The following USP10 variants were observed in gnomAD, a reference collection of about 807,000 sequenced individuals.
USP10 encodes the protein ubiquitin specific peptidase 10, also known as ubiquitin carboxyl-terminal hydrolase 10.
A neutral mutation model predicts 84.5 loss-of-function variants in USP10; 22 were observed. The observed-to-expected ratio is 0.26, with a 90% CI of 0.19 to 0.37. The LOEUF (loss-of-function observed/expected upper bound fraction) is 0.37. Ranked by LOEUF, USP10 falls within the 10% of genes least tolerant of loss-of-function variation. USP10 has a pLI of 1.00. For missense variants in USP10, 1,019 were observed against 998.9 expected (o/e 1.02, Z -0.27); for synonymous variants, 454 against 387.6 (o/e 1.17, Z -2.01).
chr16:84,701,562 G>C (rs138528370), intron 1 of USP10, among the ~76,000 whole-genome samples: 123 of 152,270 alleles, frequency 8.1e-4, no homozygotes, highest in African/African-American at 2.9e-3. Context: ...CAAGTAAAAG[G>C]CTCATTATGA....
chr16:84,745,172 G>C lies in USP10; in HGVS notation c.691G>C (p.Ala231Pro). ...DIVPDSPFPG[A>P]LGSDTRTAGQ... The stretch of plus-strand genomic sequence containing the variant: ...TGTGCCTGACAGTCCTTTCCCCGGA[G>C]CACTCGGCAGTGACACCAGGACTGC... The change falls in exon 4 of 14, where the codon GCA becomes CCA. Residue 231 changes from alanine to proline, a missense_variant. Ala to Pro is a conservative substitution (Grantham distance 27). Coordinates refer to ENST00000219473, the MANE Select transcript of USP10 (RefSeq NM_005153.3). The C allele has an allele frequency of 6.2e-7, 1 of 1,613,334 alleles. No individual in the cohort carries two copies. The highest frequency in any genetic ancestry group is 8.5e-7 in the Non-Finnish European group (1 of 1,179,640).
At chr16:84,753,703 G>A (rs1567632667) in intron 4 of USP10, among the ~76,000 whole-genome samples, 1 of 152,198 alleles carries the variant, frequency 6.6e-6, no homozygotes, top group Non-Finnish European at 1.5e-5. Context: ...GGAGCTAAAT[G>A]ACCTTTAAAG....
chr16:84,768,367 A>G lies in USP10; in HGVS notation c.1998+9A>G, dbSNP rs760213485. 1 of 1,571,508 alleles carries G rather than the reference A, an allele frequency of 6.4e-7. No individual in the cohort carries two copies. Among genetic ancestry groups the G allele is most frequent in the Admixed American group, 1.8e-5 (1 of 55,622 alleles). ...CAAAAACCAAACAAGAGGTATGTTC[A>G]CACTTGATTTTGAACCTTTCTACTA... On this transcript the variant is annotated intron_variant, in intron 11 of 13. Transcript: ENST00000219473.
At chr16:84,755,118 C>T (rs775493185) in intron 4 of USP10, among the ~76,000 whole-genome samples, 9 of 151,146 alleles carry the variant, frequency 6.0e-5, no homozygotes, top group East Asian at 3.9e-4. Flanking sequence ...TCTGTTCGAA[C>T]GGGTCAACAA....
chr16:84,714,525 T>C (rs1288220699), intron 1 of USP10, among the ~76,000 whole-genome samples: 1 of 152,118 alleles, frequency 6.6e-6, no homozygotes, highest in Non-Finnish European at 1.5e-5. Context: ...ATTAAATATT[T>C]TCCTTTGCGA....
At chr16:84,707,656 T>A (rs1905710634) in intron 1 of USP10, among the ~76,000 whole-genome samples, 1 of 152,246 alleles carries the variant, frequency 6.6e-6, no homozygotes, top group Non-Finnish European at 1.5e-5. Context: ...TTTACCTAAT[T>A]TTGCCAGGGA....
chr16:84,745,401 C>G lies in USP10; in HGVS notation c.920C>G (p.Thr307Arg), dbSNP rs760179345. Reference sequence around the variant, plus strand: ...ACCAACGGGGTGGAGTTGCACACCACGGAAAGCATAGACTTGGACCCAACC... The same window carrying G: ...ACCAACGGGGTGGAGTTGCACACCAGGGAAAGCATAGACTTGGACCCAACC... ...TATNGVELHTTESIDLDPTKP... is the reference protein window; with the variant it reads ...TATNGVELHTRESIDLDPTKP... The change falls in exon 4 of 14, where the codon ACG becomes AGG. Residue 307 changes from threonine (T) to arginine (R), a missense_variant. Transcript: ENST00000219473. The G allele has an allele frequency of 6.2e-7, 1 of 1,613,600 alleles. No individual in the cohort carries two copies. The highest frequency in any genetic ancestry group is 1.3e-5 in the African/African-American group (1 of 75,030).
At chr16:84,767,776 A>T (rs7203766) in intron 10 of USP10, among the ~76,000 whole-genome samples, 78,303 of 149,638 alleles carry the variant, frequency 0.52, 20,940 homozygotes, top group Non-Finnish European at 0.61. Flanking sequence ...AATTATTATT[A>T]TTTTTTTTAA....
chr16:84,716,136 T>C (rs1402237256), intron 1 of USP10: 1 of 152,272 alleles, frequency 6.6e-6, no homozygotes, highest in Non-Finnish European at 1.5e-5. Context: ...GAAGGGGAGC[T>C]GGCCAGTTCG....
intron 1 of USP10, among the ~76,000 whole-genome samples, chr16:84,703,620 A>G (rs1404978366): frequency 6.6e-6 from 1 of 152,264 alleles, no homozygotes; most frequent in African/African-American, 2.4e-5. Flanking sequence ...ATTGTTTGAA[A>G]TGTTGACAGG....
chr16:84,750,404 C>CA (rs71151245), intron 4 of USP10, among the ~76,000 whole-genome samples: 1,198 of 106,122 alleles, frequency 0.011, 11 homozygotes, highest in African/African-American at 0.023. Context: ...GAGACTGTCT[C>CA]AAAAAAAAAA....
At position 84,768,939 on chromosome 16, in the gene USP10, A is replaced by G. The variant is rs531205690; in HGVS notation, c.1998+581A>G. ...TTATAGCTTGGTGGAGTCCTTGTCA[A>G]CTCAGTTGGGCGAGACGGATAGCAT... On this transcript the variant is annotated intron_variant, in intron 11 of 13. Transcript: ENST00000219473. Among the ~76,000 whole-genome samples the G allele has an allele frequency of 2.6e-5, 4 of 152,264 alleles. No homozygotes were observed. In the South Asian group the frequency reaches 6.2e-4, roughly 24 times the overall value.
intron 1 of USP10, among the ~76,000 whole-genome samples, chr16:84,701,968 G>A (rs1269146751): frequency 2.3e-5 from 3 of 130,034 alleles, no homozygotes; most frequent in South Asian, 4.9e-4. Context: ...TTGGAATTTG[G>A]CTCTTGTTGC....
At chr16:84,721,860 G>C (rs1021519380) in intron 1 of USP10, among the ~76,000 whole-genome samples, 1 of 152,226 alleles carries the variant, frequency 6.6e-6, no homozygotes. Flanking sequence ...GCCACACCTG[G>C]CTAATTTTTT....
intron 2 of USP10, among the ~76,000 whole-genome samples, chr16:84,737,654 C>T (rs1183924159): frequency 6.6e-6 from 1 of 152,196 alleles, no homozygotes. Context: ...TGCTGGTGGT[C>T]GTCTCACCAG....
intron 10 of USP10, among the ~76,000 whole-genome samples, chr16:84,766,336 T>G (rs996652244): frequency 6.6e-6 from 1 of 152,138 alleles, no homozygotes. Flanking sequence ...CTCTGTGGAG[T>G]GTCCACGGCA....
rs1169892657 is a variant in USP10 at position 84,745,134 on chromosome 16, CTG to C, written c.655_656del (p.Val219GlnfsTer2). 6.2e-7 allele frequency: 1 copy of C among 1,613,574 alleles called. No homozygotes were observed. Among genetic ancestry groups the C allele is most frequent in the Non-Finnish European group, 8.5e-7 (1 of 1,179,696 alleles). ...AACAGCCCCCAGAACTCCACAGACT[CTG>C]TCAGTGACATTGTGCCTGACAGTCC... On this transcript the variant is annotated frameshift_variant, in exon 4 of 14. Transcript: ENST00000219473. LOFTEE classifies it high-confidence loss of function.
At chr16:84,730,123 T>G (rs756465382) in intron 1 of USP10, among the ~76,000 whole-genome samples, 4 of 152,210 alleles carry the variant, frequency 2.6e-5, no homozygotes, top group Non-Finnish European at 5.9e-5. Flanking sequence ...CACTCCTGTC[T>G]GCGTCCACTC....
intron 4 of USP10, among the ~76,000 whole-genome samples, chr16:84,746,912 T>C (rs1195416035): frequency 1.3e-5 from 2 of 152,254 alleles, no homozygotes; most frequent in Non-Finnish European, 2.9e-5. Context: ...AATATTTTCT[T>C]CCTTTTTATT....
Sources: allele counts gnomAD v4.1 joint callset (sites outside exome capture counted in the v4.1 genomes callset), GRCh38; gene constraint gnomAD v4.1.1; transcripts MANE v1.5; gene names NCBI Gene and HGNC (gene_info 2026-07-23, HGNC 2026-07-21).